SPINK8: variants seen among roughly 807,000 people sequenced by gnomAD.
SPINK8 encodes serine protease inhibitor Kazal-type 8.
In SPINK8, 12 loss-of-function variants were observed where a neutral mutation model predicts 14.4. The observed-to-expected ratio is 0.83, with a 90% CI of 0.53 to 1.35. SPINK8 has a LOEUF of 1.35. Among genes scored for constraint, SPINK8 ranks in the 40% most tolerant of loss-of-function variants. The probability of loss-of-function intolerance (pLI) is 0.00; values close to 1 mark genes in which losing one functional copy is unlikely to be tolerated. For synonymous variants in SPINK8, 32 were observed against 37.6 expected, an observed-to-expected ratio of 0.85 and a Z score of 0.55; for missense variants, 103 against 117.0, an observed-to-expected ratio of 0.88 and a Z score of 0.55.
At chr3:48,330,891 G>A (rs962448638) in intron 2 of SPINK8, among the ~76,000 whole-genome samples, 4 of 144,612 alleles carry the variant, frequency 2.8e-5, no homozygotes, top group African/African-American at 9.9e-5. Flanking sequence ...CTGTTGGGGG[G>A]ATTGGCTGAC....
Position 48,309,871 on chromosome 3 carries a change from C to T in SPINK8, c.282+33G>A, listed in dbSNP as rs982607717. ...AGCTCTTAACTTATCTAGTTTACTT[C>T]TAAAAATAAAAAATAAAAGTGTCTT... On this transcript the variant is annotated intron_variant, in intron 7 of 7. Transcript: ENST00000434006. The T allele has an allele frequency of 1.7e-5, 24 of 1,444,972 alleles. No homozygotes were observed. In the African/African-American group the frequency reaches 3.0e-4, roughly 18 times the overall value. The allele number at this position is 1,444,972 out of a possible 1,614,324, so 89.5% of individuals were successfully genotyped here.
chr3:48,323,544 T>G (rs2036103131), intron 4 of SPINK8, among the ~76,000 whole-genome samples: 1 of 152,248 alleles, frequency 6.6e-6, no homozygotes, highest in Non-Finnish European at 1.5e-5. Flanking sequence ...TCACTCATAT[T>G]GTTTTCTTCT....
intron 4 of SPINK8, among the ~76,000 whole-genome samples, chr3:48,325,862 T>C (rs1560018986): frequency 1.3e-5 from 2 of 151,688 alleles, no homozygotes; most frequent in Non-Finnish European, 2.9e-5. Context: ...CCTCCCAAAG[T>C]GCTGGGATTA....
At chr3:48,316,481 G>A (rs1336908278) in intron 6 of SPINK8, 1 of 154,782 alleles carries the variant, frequency 6.5e-6, no homozygotes, top group Non-Finnish European at 1.5e-5. Context: ...AAGAAAATGA[G>A]AGGTGGCCAG....
At chr3:48,319,766 A>G in intron 5 of SPINK8, 148 bp from the exon 6 acceptor site, 2 of 1,011,404 alleles carry the variant, frequency 2.0e-6, no homozygotes, top group Non-Finnish European at 2.9e-6. Flanking sequence ...TTTGACCCCA[A>G]CAGTTACCAC....
In SPINK8 at chr3:48,309,847, G is replaced by A. The variant is rs527403363; in HGVS notation, c.282+57C>T. 4.1e-5 allele frequency: 58 copies of A among 1,422,406 alleles called. 1 individual carries two copies. Among genetic ancestry groups the A allele is most frequent in the Non-Finnish European group, 5.0e-5 (54 of 1,088,968 alleles). 88.1% of individuals were successfully genotyped at this position (1,422,406 alleles called of 1,614,324 possible). A position where few individuals can be genotyped will look rare whatever the true frequency, so the allele number is the denominator to read the frequency against. On this transcript the variant is annotated intron_variant, in intron 7 of 7. Coordinates refer to ENST00000434006, the MANE Select transcript of SPINK8 (RefSeq NM_001080525.3). ...CATTTAAAACCCTCTAAAACAGTGA[G>A]CTCTTAACTTATCTAGTTTACTTCT... is the stretch of plus-strand genomic sequence containing the variant.
intron 6 of SPINK8, 93 bp downstream of exon 6, chr3:48,319,404 G>T: frequency 7.0e-7 from 1 of 1,423,722 alleles, no homozygotes; most frequent in Non-Finnish European, 9.7e-7. Context: ...GGTCTCATTG[G>T]ATGATGTAGG....
intron 6 of SPINK8, among the ~76,000 whole-genome samples, chr3:48,318,143 TAA>T (rs2036018895): frequency 6.6e-6 from 1 of 151,928 alleles, no homozygotes; most frequent in South Asian, 2.1e-4. Context: ...GCTAAGAGAA[TAA>T]TTTCTTTTTT....
chr3:48,307,412 C>A (rs1234774555), intron 7 of SPINK8, among the ~76,000 whole-genome samples: 1 of 151,196 alleles, frequency 6.6e-6, no homozygotes, highest in Non-Finnish European at 1.5e-5. Context: ...TTCCTTCTTT[C>A]CTTCCTTCCT....
intron 6 of SPINK8, among the ~76,000 whole-genome samples, chr3:48,310,521 G>A (rs1460787954): frequency 4.7e-4 from 68 of 145,828 alleles, no homozygotes; most frequent in African/African-American, 1.6e-3. Context: ...TTTTGAGACA[G>A]AGTTTTGCTC....
intron 2 of SPINK8, among the ~76,000 whole-genome samples, 167 bp downstream of exon 2, chr3:48,332,199 A>G (rs112073313): frequency 0.21 from 32,206 of 152,192 alleles, 4,272 homozygotes; most frequent in South Asian, 0.3. Context: ...CCTGAAGGCC[A>G]TGACTAAAGC....
At chr3:48,323,060 C>T (rs2036095701) in intron 4 of SPINK8, among the ~76,000 whole-genome samples, 1 of 152,204 alleles carries the variant, frequency 6.6e-6, no homozygotes, top group African/African-American at 2.4e-5. Context: ...AATTTCTTCA[C>T]ATCTTTGCTA....
chr3:48,310,171 G>A (rs1045039885), intron 6 of SPINK8, among the ~76,000 whole-genome samples: 13 of 152,060 alleles, frequency 8.5e-5, no homozygotes, highest in African/African-American at 2.9e-4. Context: ...ATTCAAAATA[G>A]CCTTTGAAAA....
chr3:48,313,707 C>T (rs1181500281), intron 6 of SPINK8, among the ~76,000 whole-genome samples: 1 of 152,112 alleles, frequency 6.6e-6, no homozygotes, highest in Non-Finnish European at 1.5e-5. Flanking sequence ...GACATGGAAA[C>T]AACCCAAATT....
intron 6 of SPINK8, among the ~76,000 whole-genome samples, chr3:48,315,010 A>T (rs1475686495): frequency 2.0e-5 from 3 of 152,240 alleles, no homozygotes; most frequent in Non-Finnish European, 4.4e-5. Flanking sequence ...GACATGCCTC[A>T]GTGCACACAC....
intron 6 of SPINK8, among the ~76,000 whole-genome samples, chr3:48,314,954 T>A (rs568208438): frequency 2.0e-5 from 3 of 152,312 alleles, no homozygotes; most frequent in South Asian, 4.1e-4. Flanking sequence ...TGTGCAAACA[T>A]CCAGTGACCA....
In SPINK8 at chr3:48,328,370, A is replaced by G. The variant is rs1254634109; in HGVS notation, c.-13-16T>C. 3 of 1,590,072 alleles carry G rather than the reference A, an allele frequency of 1.9e-6. No homozygotes were observed. Among genetic ancestry groups the G allele is most frequent in the East Asian group, 2.2e-5 (1 of 44,534 alleles). On this transcript the variant is annotated splice_polypyrimidine_tract_variant and intron_variant, in intron 3 of 7. Coordinates refer to ENST00000434006, the MANE Select transcript of SPINK8 (RefSeq NM_001080525.3). ...GACAGAAGAACTGTGGAAATATGCA[A>G]CTTTTGATGTAGGACAAACATCTAT...
intron 6 of SPINK8, among the ~76,000 whole-genome samples, chr3:48,310,265 T>G (rs1259768408): frequency 6.6e-6 from 1 of 152,154 alleles, no homozygotes; most frequent in Non-Finnish European, 1.5e-5. Context: ...ACATCGCTAC[T>G]GACCTTACAG....
At chr3:48,315,720 C>CAAAAAAAAAAAAAAAAAAAAAAAAA in intron 6 of SPINK8, among the ~76,000 whole-genome samples, 1 of 21,940 alleles carries the variant, frequency 4.6e-5, no homozygotes, top group African/African-American at 1.4e-4. Context: ...GACTCCATCT[C>CAAAAAAAAAAAAAAAAAAAAAAAAA]AAAAAAAAAA....
Sources: allele counts gnomAD v4.1 joint callset (sites outside exome capture counted in the v4.1 genomes callset), GRCh38; gene constraint gnomAD v4.1.1; transcripts MANE v1.5; gene names NCBI Gene and HGNC (gene_info 2026-07-23, HGNC 2026-07-21).